Variants in POU2F1 observed in about 807,000 individuals in gnomAD.
The protein encoded by POU2F1 is POU domain, class 2, transcription factor 1.
In POU2F1, 16 loss-of-function variants were observed where a neutral mutation model predicts 84.9. That is an observed-to-expected ratio of 0.19 (90% confidence interval 0.13 to 0.29). The LOEUF is 0.29. POU2F1 is among the 10% of genes least tolerant of loss of function. The pLI, the probability that POU2F1 is intolerant of heterozygous loss-of-function variation, is 1.00. For synonymous variants in POU2F1, 368 were observed against 368.3 expected (o/e 1.00, Z 0.01); for missense variants, 738 against 942.6 (o/e 0.78, Z 2.84).
In POU2F1 at chr1:167,296,011, A is replaced by T. The variant is rs531244651; in HGVS notation, c.62-36459A>T. On this transcript the variant is annotated intron_variant, in intron 1 of 15. Coordinates refer to ENST00000367866, the MANE Select transcript of POU2F1 (RefSeq NM_002697.4). ...AAAATTTTTATTTGGTCTAAAAAGC[A>T]TTACAAGTAGAAAACTTTTTTTTTT... 3.3e-5 allele frequency among the ~76,000 whole-genome samples: 5 copies of T among 150,674 alleles called. No individual in the cohort carries two copies. The South Asian group carries it at 1.0e-3, about 31-fold the overall frequency.
At chr1:167,305,926 T>C (rs1246796544) in intron 1 of POU2F1, among the ~76,000 whole-genome samples, 1 of 152,156 alleles carries the variant, frequency 6.6e-6, no homozygotes, top group Non-Finnish European at 1.5e-5. Context: ...GCTGGGCATA[T>C]GGTAGACATG....
chr1:167,275,436 T>G (rs1652662277), intron 1 of POU2F1, among the ~76,000 whole-genome samples: 1 of 152,168 alleles, frequency 6.6e-6, no homozygotes, highest in Non-Finnish European at 1.5e-5. Flanking sequence ...ATGTACATCA[T>G]TCTTCAGTAT....
chr1:167,241,767 T>C (rs1176216437), intron 1 of POU2F1, among the ~76,000 whole-genome samples: 1 of 152,212 alleles, frequency 6.6e-6, no homozygotes, highest in Non-Finnish European at 1.5e-5. Flanking sequence ...GTAGGCATCA[T>C]TGTTATGTGT....
At chr1:167,408,225 C>T (rs1358577948) in intron 13 of POU2F1, among the ~76,000 whole-genome samples, 2 of 152,040 alleles carry the variant, frequency 1.3e-5, no homozygotes, top group East Asian at 3.9e-4. Context: ...CAAAAAGACC[C>T]AAGATGATAA....
intron 1 of POU2F1, among the ~76,000 whole-genome samples, chr1:167,259,934 A>G (rs1401750487): frequency 1.3e-5 from 2 of 150,996 alleles, no homozygotes; most frequent in Admixed American, 6.6e-5. Flanking sequence ...GCTGGAGTGC[A>G]GTGGCGCGAT....
intron 1 of POU2F1, among the ~76,000 whole-genome samples, chr1:167,276,592 T>A (rs1398320823): frequency 6.6e-6 from 1 of 152,220 alleles, no homozygotes; most frequent in Non-Finnish European, 1.5e-5. Flanking sequence ...TAGGACGTTA[T>A]TTCCTGTTCA....
At chr1:167,282,987 G>A (rs902281827) in intron 1 of POU2F1, among the ~76,000 whole-genome samples, 2 of 152,194 alleles carry the variant, frequency 1.3e-5, no homozygotes, top group Admixed American at 6.5e-5. Flanking sequence ...GTAAATTGAT[G>A]TATGTTAAAC....
In POU2F1 at chr1:167,412,224, A is replaced by T. The variant is rs1255490266; in HGVS notation, c.1821A>T (p.Pro607=). The T allele has an allele frequency of 2.5e-6, 4 of 1,607,610 alleles. No homozygotes were observed. The highest frequency in any genetic ancestry group is 3.4e-6 in the Non-Finnish European group (4 of 1,176,824). The change falls in exon 14 of 16, where the codon CCA becomes CCT. Residue 607 remains proline, a synonymous_variant. Coordinates refer to ENST00000367866, the MANE Select transcript of POU2F1 (RefSeq NM_002697.4). ...CCCTTCAAGGAGCTGCACAGTTGCCAGCAAATGCCAGTCTTGCTGCCATGG... is the reference window on the plus strand; with the variant it reads ...CCCTTCAAGGAGCTGCACAGTTGCCTGCAAATGCCAGTCTTGCTGCCATGG... ...AAALQGAAQL[P]ANASLAAMAA...
chr1:167,395,742 C>T (rs1190635271), intron 9 of POU2F1, among the ~76,000 whole-genome samples: 1 of 152,012 alleles, frequency 6.6e-6, no homozygotes, highest in African/African-American at 2.4e-5. Flanking sequence ...ATGGCTAGGA[C>T]TACAGGCACA....
chr1:167,240,313 C>T (rs1342344924), intron 1 of POU2F1, among the ~76,000 whole-genome samples: 1 of 151,596 alleles, frequency 6.6e-6, no homozygotes, highest in African/African-American at 2.4e-5. Flanking sequence ...TCTTTAAGTC[C>T]GATATAAAAC....
intron 1 of POU2F1, among the ~76,000 whole-genome samples, chr1:167,244,791 A>G (rs1650188883): frequency 6.6e-6 from 1 of 152,220 alleles, no homozygotes; most frequent in Admixed American, 6.5e-5. Flanking sequence ...TGTATGTTAC[A>G]TTGGTGGAAC....
intron 1 of POU2F1, among the ~76,000 whole-genome samples, chr1:167,274,093 T>C (rs1043393798): frequency 2.0e-5 from 3 of 152,202 alleles, no homozygotes; most frequent in African/African-American, 4.8e-5. Context: ...TTATTCCTTA[T>C]AATAGTTGAA....
intron 1 of POU2F1, among the ~76,000 whole-genome samples, chr1:167,226,396 A>C (rs1648633042): frequency 6.6e-6 from 1 of 152,198 alleles, no homozygotes. Flanking sequence ...TTCCTTATGC[A>C]TCTTTCGCTG....
At chr1:167,385,434 G>C (rs1189843037) in intron 8 of POU2F1, among the ~76,000 whole-genome samples, 1 of 152,090 alleles carries the variant, frequency 6.6e-6, no homozygotes, top group Non-Finnish European at 1.5e-5. Flanking sequence ...TAAAACTCAA[G>C]TAATGAAGAC....
At chr1:167,399,046 C>A in intron 11 of POU2F1, 140 bp from the exon 12 acceptor site, 2 of 660,030 alleles carry the variant, frequency 3.0e-6, no homozygotes, top group Non-Finnish European at 4.9e-6. Context: ...TCTATCTACA[C>A]AATCTCTTTG....
chr1:167,376,088 G>T lies in POU2F1; in HGVS notation c.651G>T (p.Leu217Phe). Reference protein sequence around the residue: ...QQNLNLQQFVLVHPTTNLQPA... With the variant: ...QQNLNLQQFVFVHPTTNLQPA... ...ATCTCAACCTGCAACAGTTTGTGTT[G>T]GTGCATCCAACCACCAATTTGCAGC... The change falls in exon 7 of 16, where the codon TTG becomes TTT. Residue 217 changes from leucine to phenylalanine, a missense_variant. Leu to Phe is a conservative substitution (Grantham distance 22). This residue lies in a region of POU2F1 where 163 missense variants were observed against 214.4 expected (regional missense o/e 0.76). Transcript: ENST00000367866. The T allele has an allele frequency of 6.2e-7, 1 of 1,614,130 alleles. No individual in the cohort carries two copies. Among genetic ancestry groups the T allele is most frequent in the Non-Finnish European group, 8.5e-7 (1 of 1,180,012 alleles).
At chr1:167,398,210 G>A in intron 11 of POU2F1, 77 bp downstream of exon 11, 1 of 1,493,688 alleles carries the variant, frequency 6.7e-7, no homozygotes, top group Non-Finnish European at 9.0e-7. Context: ...AGAAACTGTA[G>A]GTGGTAAAAG....
At chr1:167,353,754 T>C (rs1180452232) in intron 2 of POU2F1, among the ~76,000 whole-genome samples, 1 of 152,218 alleles carries the variant, frequency 6.6e-6, no homozygotes, top group East Asian at 1.9e-4. Flanking sequence ...AAAGTAATTG[T>C]AAAAACTTGT....
At chr1:167,355,124 C>T (rs1326503203) in intron 2 of POU2F1, among the ~76,000 whole-genome samples, 1 of 148,898 alleles carries the variant, frequency 6.7e-6, no homozygotes, top group African/African-American at 2.5e-5. Flanking sequence ...TATAGTTTTG[C>T]ATTTCACATT....
Sources: gnomAD v4.1 joint callset for allele counts (sites outside exome capture counted in the v4.1 genomes callset) on GRCh38, gnomAD v4.1.1 for gene constraint, gnomAD v4.1.1 regional missense constraint, MANE v1.5 for transcripts, NCBI Gene and HGNC (gene_info 2026-07-23, HGNC 2026-07-21) for gene names.